OTUD7A: variants seen among roughly 807,000 people sequenced by gnomAD.
OTUD7A encodes the protein OTU deubiquitinase 7A.
A neutral mutation model predicts 65.7 loss-of-function variants in OTUD7A; 12 were observed. The observed-to-expected ratio is 0.18, with a 90% CI of 0.12 to 0.30. OTUD7A has a LOEUF of 0.30. Among genes scored for constraint, OTUD7A ranks in the 10% least tolerant of loss-of-function variants. OTUD7A has a pLI of 1.00. For missense variants in OTUD7A, 1,148 were observed against 1,304.8 expected (o/e 0.88, Z 1.85); for synonymous variants, 641 against 586.3 (o/e 1.09, Z -1.35).
At chr15:31,868,714 G>A (rs1897944814) in intron 1 of OTUD7A, among the ~76,000 whole-genome samples, 1 of 152,178 alleles carries the variant, frequency 6.6e-6, no homozygotes, top group African/African-American at 2.4e-5. Flanking sequence ...GGGGGCCTCA[G>A]GAGTTACTTT....
intron 6 of OTUD7A, 89 bp from the exon 7 acceptor site, chr15:31,527,397 G>A (rs2042029844): frequency 6.7e-7 from 1 of 1,503,138 alleles, no homozygotes. Context: ...CGACCCACTG[G>A]GAGAGCCTCC....
At chr15:31,734,659 ACTCT>A (rs1894137367) in intron 1 of OTUD7A, among the ~76,000 whole-genome samples, 2 of 151,740 alleles carry the variant, frequency 1.3e-5, no homozygotes, top group South Asian at 4.2e-4. Flanking sequence ...CGTGTAAAAG[ACTCT>A]CTATTTAATA....
chr15:31,658,800 C>T (rs990656250), intron 1 of OTUD7A, among the ~76,000 whole-genome samples: 3 of 150,618 alleles, frequency 2.0e-5, no homozygotes, highest in Non-Finnish European at 3.0e-5. Flanking sequence ...GGCCGAGGCT[C>T]GTAGATCACC....
chr15:31,507,461 C>T (rs560947287), intron 8 of OTUD7A, among the ~76,000 whole-genome samples: 2 of 152,164 alleles, frequency 1.3e-5, no homozygotes, highest in Non-Finnish European at 2.9e-5. Flanking sequence ...GGAGTTGGTT[C>T]CTTCCAGTGG....
chr15:31,750,875 T>C (rs1894616285), intron 1 of OTUD7A, among the ~76,000 whole-genome samples: 1 of 152,210 alleles, frequency 6.6e-6, no homozygotes, highest in Admixed American at 6.5e-5. Flanking sequence ...GTTAGCCATA[T>C]GCAGAAGAAT....
intron 1 of OTUD7A, among the ~76,000 whole-genome samples, chr15:31,858,085 C>A (rs2141012326): frequency 6.6e-6 from 1 of 152,278 alleles, no homozygotes; most frequent in South Asian, 2.1e-4. Context: ...AACTTATTCT[C>A]CTGCCAAGAT....
intron 1 of OTUD7A, among the ~76,000 whole-genome samples, chr15:31,678,841 A>G (rs1892650121): frequency 6.6e-6 from 1 of 152,204 alleles, no homozygotes; most frequent in Admixed American, 6.5e-5. Flanking sequence ...TGCTTAGTGG[A>G]GCTGTGAGAA....
intron 1 of OTUD7A, among the ~76,000 whole-genome samples, chr15:31,800,702 A>C (rs1415209569): frequency 1.3e-5 from 2 of 152,136 alleles, no homozygotes; most frequent in African/African-American, 4.8e-5. Flanking sequence ...CACCAGAATG[A>C]GCAGAAGGAG....
intron 3 of OTUD7A, among the ~76,000 whole-genome samples, chr15:31,585,362 T>C (rs1302473289): frequency 6.6e-6 from 1 of 152,224 alleles, no homozygotes; most frequent in Non-Finnish European, 1.5e-5. Context: ...AGTCTTCGAA[T>C]ACTGAGGTTA....
chr15:31,811,611 G>A (rs746019712), intron 1 of OTUD7A, among the ~76,000 whole-genome samples: 13 of 152,070 alleles, frequency 8.5e-5, no homozygotes, highest in East Asian at 1.9e-4. Flanking sequence ...GTGAGAAGCC[G>A]CAGGAGTGAG....
chr15:31,668,014 T>G (rs1030572853), intron 1 of OTUD7A, among the ~76,000 whole-genome samples: 3 of 152,232 alleles, frequency 2.0e-5, no homozygotes, highest in African/African-American at 4.8e-5. Flanking sequence ...AGAAATCTGC[T>G]GTTAGTCTGA....
chr15:31,785,198 G>A (rs1236781231), intron 1 of OTUD7A, among the ~76,000 whole-genome samples: 1 of 152,180 alleles, frequency 6.6e-6, no homozygotes, highest in African/African-American at 2.4e-5. Context: ...ACCAGACCAT[G>A]CAAGTACACT....
chr15:31,525,793 T>C (rs1357767145), intron 8 of OTUD7A, among the ~76,000 whole-genome samples: 1 of 152,262 alleles, frequency 6.6e-6, no homozygotes, highest in South Asian at 2.1e-4. Context: ...AGGAACAAGC[T>C]ATTCCTAAAC....
intron 5 of OTUD7A, among the ~76,000 whole-genome samples, chr15:31,532,731 T>C (rs1227452568): frequency 6.6e-6 from 1 of 151,822 alleles, no homozygotes; most frequent in African/African-American, 2.4e-5. Flanking sequence ...ATTGAGACCA[T>C]TCTGGCTAAC....
At chr15:31,505,022 A>T (rs1243946498) in intron 8 of OTUD7A, among the ~76,000 whole-genome samples, 1 of 152,072 alleles carries the variant, frequency 6.6e-6, no homozygotes, top group Non-Finnish European at 1.5e-5. Flanking sequence ...GCACTTGAAT[A>T]TAAATTTTTT....
intron 1 of OTUD7A, among the ~76,000 whole-genome samples, chr15:31,704,785 T>A (rs1206000019): frequency 2.6e-5 from 4 of 152,076 alleles, no homozygotes; most frequent in Non-Finnish European, 5.9e-5. Context: ...CTTCTGGAGA[T>A]CTGTCCTGGA....
At chr15:31,801,662 A>G (rs890083371) in intron 1 of OTUD7A, among the ~76,000 whole-genome samples, 1 of 152,170 alleles carries the variant, frequency 6.6e-6, no homozygotes, top group Non-Finnish European at 1.5e-5. Context: ...ACATTTCTAC[A>G]TTGTGCTGTG....
chr15:31,616,945 T>C (rs144853495), intron 3 of OTUD7A, among the ~76,000 whole-genome samples: 5 of 152,148 alleles, frequency 3.3e-5, no homozygotes, highest in African/African-American at 7.2e-5. Context: ...TGGAAAGAAG[T>C]TTGCCAACCC....
chr15:31,495,979 T>C (rs1465911402), intron 10 of OTUD7A, among the ~76,000 whole-genome samples: 2 of 150,328 alleles, frequency 1.3e-5, no homozygotes, highest in Non-Finnish European at 1.5e-5. Context: ...GATGGGAGGA[T>C]CTGTTGAGCC....
Sources: allele counts gnomAD v4.1 joint callset (sites outside exome capture counted in the v4.1 genomes callset), GRCh38; gene constraint gnomAD v4.1.1; transcripts MANE v1.5; gene names NCBI Gene and HGNC (gene_info 2026-07-23, HGNC 2026-07-21).